GLIS3: variants seen among roughly 807,000 people sequenced by gnomAD.
The protein encoded by GLIS3 is GLIS family zinc finger 3.
Under a neutral mutation model 78.6 loss-of-function variants are expected in GLIS3, and 53 were observed. The ratio of observed to expected loss-of-function variants is 0.67; its 90% CI spans 0.54 to 0.85. The LOEUF (loss-of-function observed/expected upper bound fraction) is 0.85, where lower values mean the gene tolerates loss of function less well. GLIS3 is among the 40% of genes least tolerant of loss of function. The pLI is 0.00. For synonymous variants in GLIS3, 684 were observed against 509.9 expected, an observed-to-expected ratio of 1.34 and a Z score of -4.60; for missense variants, 1,703 against 1,231.1, an observed-to-expected ratio of 1.38 and a Z score of -5.74.
At chr9:4,371,788 T>A in the GLIS3 span, among the ~76,000 whole-genome samples, 1 of 152,220 alleles carries the variant, frequency 6.6e-6, no homozygotes, top group Admixed American at 6.5e-5. Flanking sequence ...AAAATGAATT[T>A]AAAATCCTTA....
At chr9:3,883,866 A>G (rs1821898299) in intron 7 of GLIS3, among the ~76,000 whole-genome samples, 1 of 152,210 alleles carries the variant, frequency 6.6e-6, no homozygotes, top group Admixed American at 6.5e-5. Flanking sequence ...CTCCCTGAGG[A>G]AATAAAATCC....
At chr9:4,293,886 G>C (rs1223577128) in intron 1 of GLIS3, among the ~76,000 whole-genome samples, 1 of 152,228 alleles carries the variant, frequency 6.6e-6, no homozygotes, top group Non-Finnish European at 1.5e-5. Context: ...TGTCAGACAA[G>C]GGTGGCCCCA....
chr9:4,352,662 T>G (rs1466753006), upstream of GLIS3, among the ~76,000 whole-genome samples: 2 of 152,250 alleles, frequency 1.3e-5, no homozygotes, highest in Admixed American at 6.5e-5. Flanking sequence ...AGTGGGGAGA[T>G]GATCAAGACC....
At chr9:3,958,711 A>G (rs1817331042) in intron 4 of GLIS3, among the ~76,000 whole-genome samples, 1 of 152,250 alleles carries the variant, frequency 6.6e-6, no homozygotes, top group African/African-American at 2.4e-5. Flanking sequence ...GTAAACAAAC[A>G]AATGCAATAG....
Position 4,118,482 on chromosome 9 carries a change from G to C in GLIS3, c.996C>G (p.Asn332Lys), listed in dbSNP as rs779841747. 6.2e-7 allele frequency: 1 copy of C among 1,614,106 alleles called. No individual in the cohort carries two copies. The highest frequency in any genetic ancestry group is 8.5e-7 in the Non-Finnish European group (1 of 1,180,024). The change falls in exon 4 of 11, where the codon AAC (asparagine) becomes AAG (lysine). Residue 332 changes from asparagine (N) to lysine (K), a missense_variant. Physicochemically the swap from Asn to Lys is moderately conservative, Grantham distance 94. Transcript: ENST00000381971. This position sits in a 1 kb window ranked among gnomAD's most constrained non-coding sequence, Gnocchi z 4.7. The part of the protein sequence containing the change: ...TSPTSLVAYI[N>K]GSRASPANLS... The stretch of plus-strand genomic sequence containing the variant: ...GGTTGGCCGGCGAAGCCCTCGACCC[G>C]TTGATGTAGGCCACCAAGGACGTGG...
At position 4,075,411 on chromosome 9, in the gene GLIS3, C is replaced by CAAAAAAAAAAAA. The variant is rs59194808; in HGVS notation, c.1710+42345_1710+42356dup. Among the ~76,000 whole-genome samples, 44 of 118,146 alleles carry CAAAAAAAAAAAA rather than the reference C, an allele frequency of 3.7e-4. 1 individual carries two copies. Among genetic ancestry groups the CAAAAAAAAAAAA allele is most frequent in the East Asian group, 1.1e-3 (4 of 3,682 alleles). The allele number at this position is 118,146 out of a possible 152,430, so 77.5% of individuals were successfully genotyped here. A position where few individuals can be genotyped will look rare whatever the true frequency, so the allele number is the denominator to read the frequency against. ...GTGAAACCCGTCTCTACTAAAAATA[C>CAAAAAAAAAAAA]AAAAAAAAAAAAAAATTAGCTGGGC... On this transcript the variant is annotated intron_variant, in intron 4 of 10. Transcript: ENST00000381971.
chr9:4,188,682 T>G (rs1263238417), intron 2 of GLIS3, among the ~76,000 whole-genome samples: 1 of 152,224 alleles, frequency 6.6e-6, no homozygotes, highest in Non-Finnish European at 1.5e-5. Context: ...GAGCCTGTTA[T>G]TGGTCTATTC....
Position 3,932,401 on chromosome 9 carries a change from C to T in GLIS3, c.1942G>A (p.Val648Met). Residue 648 changes from valine to methionine, a missense_variant, in exon 6 of 11, where the codon GTG becomes ATG. Coordinates refer to ENST00000381971, the MANE Select transcript of GLIS3 (RefSeq NM_001042413.2). ...TGCTCTTTGGAAGAATGTGCCTTCA[C>T]ATGCTTTCTTAGGGAACTTGGGTCT... ...YTDPSSLRKHVKAHSSKEQQA... is the reference protein window; with the variant it reads ...YTDPSSLRKHMKAHSSKEQQA... 1.2e-6 allele frequency: 2 copies of T among 1,613,972 alleles called. No individual in the cohort carries two copies. The highest frequency in any genetic ancestry group is 1.7e-6 in the Non-Finnish European group (2 of 1,179,864).
intron 7 of GLIS3, among the ~76,000 whole-genome samples, chr9:3,880,369 G>A (rs1188065964): frequency 6.6e-6 from 1 of 152,158 alleles, no homozygotes; most frequent in South Asian, 2.1e-4. Context: ...TAATTGGTAC[G>A]ATGTCACAGA....
At chr9:4,133,876 C>G (rs1208999360) in intron 2 of GLIS3, among the ~76,000 whole-genome samples, 2 of 115,024 alleles carry the variant, frequency 1.7e-5, no homozygotes, top group African/African-American at 5.9e-5. Context: ...ACACACACAC[C>G]GTACATCTGT....
intron 4 of GLIS3, among the ~76,000 whole-genome samples, chr9:4,023,859 T>C (rs1823086026): frequency 1.3e-5 from 2 of 152,114 alleles, no homozygotes; most frequent in Admixed American, 1.3e-4. Flanking sequence ...AGAAACTGAG[T>C]GTTTAAAAAC....
the GLIS3 span, among the ~76,000 whole-genome samples, chr9:4,378,954 G>C: frequency 0.012 from 1,816 of 152,332 alleles, 42 homozygotes; most frequent in African/African-American, 0.042. Flanking sequence ...TTGAGGCCAA[G>C]TGTTTTGGGT....
the GLIS3 span, among the ~76,000 whole-genome samples, chr9:4,412,197 G>A: frequency 2.6e-5 from 4 of 152,210 alleles, no homozygotes; most frequent in Non-Finnish European, 4.4e-5. Flanking sequence ...CTAGCAAGGT[G>A]GAGGGCTTAT....
At chr9:4,212,139 T>C (rs1170774945) in intron 2 of GLIS3, among the ~76,000 whole-genome samples, 1 of 152,174 alleles carries the variant, frequency 6.6e-6, no homozygotes. Context: ...ATGCATCGAG[T>C]GGGTGAATGA....
Position 3,909,160 on chromosome 9 carries a change from A to T in GLIS3, c.1984-10325T>A, listed in dbSNP as rs191083357. 2.6e-3 allele frequency among the ~76,000 whole-genome samples: 400 copies of T among 152,388 alleles called. 1 individual carries two copies. The highest frequency in any genetic ancestry group is 4.3e-3 in the Non-Finnish European group (291 of 68,036). ...TTTCCCCAGAGGGTTAAGGTTTATT[A>T]CTAGAACATTCTCATCAAGTGTTCT... On this transcript the variant is annotated intron_variant, in intron 6 of 10. Transcript: ENST00000381971.
At chr9:3,853,702 T>C (rs1468792472) in intron 9 of GLIS3, among the ~76,000 whole-genome samples, 1 of 152,164 alleles carries the variant, frequency 6.6e-6, no homozygotes, top group Non-Finnish European at 1.5e-5. Context: ...TGCATTCAAA[T>C]TGGTCTAATT....
At chr9:4,288,613 T>C (rs1828196554) in intron 1 of GLIS3, among the ~76,000 whole-genome samples, 1 of 152,122 alleles carries the variant, frequency 6.6e-6, no homozygotes, top group Admixed American at 6.5e-5. Context: ...GAAGGAAAAA[T>C]AATTAGAGCA....
At chr9:4,395,784 T>C in the GLIS3 span, among the ~76,000 whole-genome samples, 5 of 149,756 alleles carry the variant, frequency 3.3e-5, no homozygotes, top group African/African-American at 9.8e-5. Flanking sequence ...TTTCTTTTTT[T>C]TTTTTTTTGA....
At chr9:4,038,656 T>C (rs984876583) in intron 4 of GLIS3, among the ~76,000 whole-genome samples, 1 of 152,196 alleles carries the variant, frequency 6.6e-6, no homozygotes, top group African/African-American at 2.4e-5. Flanking sequence ...TGCTAGCATG[T>C]TATAAAAGAT....
Sources: gnomAD v4.1 joint callset for allele counts (sites outside exome capture counted in the v4.1 genomes callset) on GRCh38, gnomAD v4.1.1 for gene constraint, Gnocchi (gnomAD v3.1) non-coding constraint, MANE v1.5 for transcripts, NCBI Gene and HGNC (gene_info 2026-07-23, HGNC 2026-07-21) for gene names.